Variants in TFEC observed in about 807,000 individuals in gnomAD.
TFEC encodes transcription factor EC.
TFEC carries 31 observed loss-of-function variants against 41.6 expected under a neutral mutation model. That is an observed-to-expected ratio of 0.74 (90% CI 0.56 to 1.01). The LOEUF (loss-of-function observed/expected upper bound fraction) is 1.01, where lower values mean the gene tolerates loss of function less well. TFEC is among the 50% of genes least tolerant of loss of function. The pLI is 0.00. For synonymous variants in TFEC, 143 were observed against 140.6 expected, an observed-to-expected ratio of 1.02 and a Z score of -0.12; for missense variants, 402 against 404.1, an observed-to-expected ratio of 0.99 and a Z score of 0.04.
At chr7:116,100,652 G>C (rs1392505497) in intron 3 of TFEC, among the ~76,000 whole-genome samples, 2 of 152,040 alleles carry the variant, frequency 1.3e-5, no homozygotes, top group Non-Finnish European at 2.9e-5. Context: ...AGGATAAGAT[G>C]AAACATTCAA....
chr7:116,018,999 T>G (rs1584705918), intron 1 of TFEC, among the ~76,000 whole-genome samples: 1 of 152,166 alleles, frequency 6.6e-6, no homozygotes, highest in East Asian at 1.9e-4. Context: ...AGAACTGATT[T>G]AATCATCACA....
At chr7:116,075,066 G>C (rs1030925364) in intron 3 of TFEC, among the ~76,000 whole-genome samples, 2 of 152,174 alleles carry the variant, frequency 1.3e-5, no homozygotes, top group Admixed American at 6.5e-5. Flanking sequence ...ACTGCAAATA[G>C]ATATGATGGT....
intron 3 of TFEC, among the ~76,000 whole-genome samples, chr7:116,076,226 G>A (rs567355159): frequency 2.6e-5 from 4 of 152,270 alleles, no homozygotes; most frequent in African/African-American, 9.6e-5. Flanking sequence ...GGAAGCAGGA[G>A]AACACCACAT....
At chr7:116,053,367 G>C (rs1213075017) in intron 3 of TFEC, among the ~76,000 whole-genome samples, 1 of 152,192 alleles carries the variant, frequency 6.6e-6, no homozygotes, top group African/African-American at 2.4e-5. Context: ...GAAAGGATTT[G>C]AGAGTGTGAA....
intron 3 of TFEC, among the ~76,000 whole-genome samples, chr7:116,039,218 T>C (rs931199948): frequency 1.3e-5 from 2 of 152,080 alleles, no homozygotes; most frequent in Non-Finnish European, 2.9e-5. Context: ...AGTTTTTCTA[T>C]AATGTCATAT....
chr7:116,144,012 G>A (rs1798591726), intron 1 of TFEC, among the ~76,000 whole-genome samples: 3 of 152,098 alleles, frequency 2.0e-5, no homozygotes, highest in Admixed American at 2.0e-4. Context: ...AAGGTCAGGA[G>A]ATCGAGACCA....
chr7:116,075,085 G>C (rs954937250), intron 3 of TFEC, among the ~76,000 whole-genome samples: 1 of 152,160 alleles, frequency 6.6e-6, no homozygotes, highest in African/African-American at 2.4e-5. Context: ...GTTTTCTTTG[G>C]AGAGGGTATT....
chr7:116,067,132 G>C (rs907557997), intron 3 of TFEC, among the ~76,000 whole-genome samples: 4 of 152,010 alleles, frequency 2.6e-5, no homozygotes, highest in African/African-American at 9.7e-5. Context: ...GGGAGACTTA[G>C]AAAGATCCCT....
At chr7:116,083,832 T>C (rs1797144272) in intron 3 of TFEC, among the ~76,000 whole-genome samples, 1 of 151,928 alleles carries the variant, frequency 6.6e-6, no homozygotes, top group South Asian at 2.1e-4. Flanking sequence ...TACAAGTTCT[T>C]ACTTGGCCAT....
intron 3 of TFEC, among the ~76,000 whole-genome samples, chr7:116,107,823 T>C (rs1235053971): frequency 1.3e-5 from 2 of 152,224 alleles, no homozygotes; most frequent in African/African-American, 2.4e-5. Context: ...TTTGAGATCA[T>C]TTCTTAAAAT....
intron 1 of TFEC, among the ~76,000 whole-genome samples, chr7:116,152,788 A>C (rs1021162628): frequency 6.6e-6 from 1 of 152,198 alleles, no homozygotes; most frequent in Admixed American, 6.5e-5. Context: ...AAGCTCAAAA[A>C]TATTTTCTTA....
chr7:116,011,678 C>A (rs781669883), intron 1 of TFEC, among the ~76,000 whole-genome samples: 1 of 152,066 alleles, frequency 6.6e-6, no homozygotes, highest in South Asian at 2.1e-4. Flanking sequence ...ATTTGCCTCC[C>A]AATCTCATGC....
chr7:116,130,515 T>C (rs1021999082), intron 1 of TFEC, among the ~76,000 whole-genome samples: 1 of 152,216 alleles, frequency 6.6e-6, no homozygotes, highest in Non-Finnish European at 1.5e-5. Context: ...ATCTCGAGTT[T>C]AAAAACATAC....
intron 3 of TFEC, among the ~76,000 whole-genome samples, chr7:116,098,225 T>G (rs1317179889): frequency 6.6e-6 from 1 of 152,110 alleles, no homozygotes; most frequent in Admixed American, 6.6e-5. Context: ...AGTGTCACGA[T>G]CTCGGCTCAC....
At chr7:116,089,751 A>G (rs905777705) in intron 3 of TFEC, among the ~76,000 whole-genome samples, 2 of 152,198 alleles carry the variant, frequency 1.3e-5, no homozygotes, top group African/African-American at 4.8e-5. Context: ...GAGAAATACT[A>G]TTGAAACTGG....
At chr7:116,101,391 TA>T (rs1797601655) in intron 3 of TFEC, among the ~76,000 whole-genome samples, 2 of 151,970 alleles carry the variant, frequency 1.3e-5, no homozygotes. Flanking sequence ...GAAAAGTTAA[TA>T]ACAGTGAAGA....
chr7:116,026,338 G>GGCAGAT (rs1795584268), intron 1 of TFEC, among the ~76,000 whole-genome samples: 2 of 152,146 alleles, frequency 1.3e-5, no homozygotes, highest in African/African-American at 4.8e-5. Context: ...TCTTCTCTTT[G>GGCAGAT]AACCCTTTCC....
intron 1 of TFEC, among the ~76,000 whole-genome samples, chr7:116,116,548 T>C (rs540308801): frequency 4.6e-5 from 7 of 152,090 alleles, no homozygotes; most frequent in African/African-American, 1.7e-4. Flanking sequence ...CTGTAGTATA[T>C]AAAATAGAGA....
At chr7:115,940,968 T>C (rs1224748930) in intron 7 of TFEC, 37 bp from the exon 8 acceptor site, 2 of 1,526,130 alleles carry the variant, frequency 1.3e-6, no homozygotes, top group South Asian at 1.3e-5. Flanking sequence ...ATAATGTCTT[T>C]GAAATTGGAT....
Sources: allele counts gnomAD v4.1 joint callset (sites outside exome capture counted in the v4.1 genomes callset), GRCh38; gene constraint gnomAD v4.1.1; transcripts MANE v1.5; gene names NCBI Gene and HGNC (gene_info 2026-07-23, HGNC 2026-07-21).